The following FAAP100 variants were observed in gnomAD, a reference collection of about 807,000 sequenced individuals.
FAAP100 encodes Fanconi anemia core complex-associated protein 100.
A neutral mutation model predicts 65.8 loss-of-function variants in FAAP100; 46 were observed. The ratio of observed to expected loss-of-function variants is 0.70; its 90% CI spans 0.55 to 0.89. FAAP100 has a LOEUF of 0.89. Among genes scored for constraint, FAAP100 ranks in the 40% least tolerant of loss-of-function variants. FAAP100 has a pLI of 0.00. For missense variants in FAAP100, 1,165 were observed against 1,196.7 expected, an observed-to-expected ratio of 0.97 and a Z score of 0.39; for synonymous variants, 663 against 555.1, an observed-to-expected ratio of 1.19 and a Z score of -2.73.
intron 4 of FAAP100, 83 bp downstream of exon 4, chr17:81,549,123 C>T (rs2033407101): frequency 1.3e-6 from 2 of 1,508,858 alleles, no homozygotes; most frequent in South Asian, 1.2e-5. Context: ...AGGACACTCA[C>T]ACCCAGGACG....
At chr17:81,541,833 C>G (rs2033106249) in intron 7 of FAAP100, among the ~76,000 whole-genome samples, 1 of 152,086 alleles carries the variant, frequency 6.6e-6, no homozygotes, top group African/African-American at 2.4e-5. Context: ...GCAGCCCAGC[C>G]CAGTGTGGGC....
In FAAP100 at chr17:81,550,758, G is replaced by A; in HGVS notation, c.736C>T (p.Pro246Ser). 1 of 1,612,394 alleles carries A rather than the reference G, an allele frequency of 6.2e-7. No individual in the cohort carries two copies. The highest frequency in any genetic ancestry group is 8.5e-7 in the Non-Finnish European group (1 of 1,179,622). Residue 246 changes from proline (P) to serine (S), a missense_variant, in exon 3 of 9, where the codon CCT becomes TCT. Transcript: ENST00000327787. ...LQSPVVLCGL[P>S]DGQLCCVILK... ...ATCACACAGCAGAGCTGGCCATCAG[G>A]GAGACCACAGAGGACCACAGGTGAC... is the stretch of plus-strand genomic sequence containing the variant.
chr17:81,550,573 CACAT>C lies in FAAP100; in HGVS notation c.917_920del (p.Asp306GlyfsTer93), dbSNP rs1287382130. On this transcript the variant is annotated frameshift_variant, in exon 3 of 9. Coordinates refer to ENST00000327787, the MANE Select transcript of FAAP100 (RefSeq NM_025161.6). LOFTEE classifies it high-confidence loss of function. ...CAAAGGCCACCAGGCAGTCACAGTG[CACAT>C]CCTCGTCAGGCAGAAAATTCTCTGC... is the stretch of plus-strand genomic sequence containing the variant. 2.6e-5 allele frequency: 42 copies of C among 1,612,828 alleles called. No homozygotes were observed. The highest frequency in any genetic ancestry group is 3.5e-5 in the Non-Finnish European group (41 of 1,180,044).
At position 81,544,279 on chromosome 17, in the gene FAAP100, C is replaced by CA. The variant is rs111436216; in HGVS notation, c.2311-160dup. ...TCCTATACCCTGAAGGAGCAGAGCTCAGTACCCTGGTTTAGCTTTTTCCAC... is the reference window on the plus strand; with the variant it reads ...TCCTATACCCTGAAGGAGCAGAGCTCAAGTACCCTGGTTTAGCTTTTTCCAC... On this transcript the variant is annotated intron_variant, in intron 6 of 8. Transcript: ENST00000327787. Among the ~76,000 whole-genome samples, 119 of 152,348 alleles carry CA rather than the reference C, an allele frequency of 7.8e-4. 2 individuals are homozygous for CA. Among genetic ancestry groups the CA allele is most frequent in the African/African-American group, 2.8e-3 (117 of 41,580 alleles).
upstream of FAAP100, among the ~76,000 whole-genome samples, chr17:81,552,544 C>T (rs1008536634): frequency 6.6e-6 from 1 of 152,138 alleles, no homozygotes; most frequent in African/African-American, 2.4e-5. Flanking sequence ...CTAGGGGCCG[C>T]GGCACCGTGC....
intron 2 of FAAP100, 114 bp from the exon 3 acceptor site, chr17:81,551,317 A>T: frequency 2.8e-6 from 3 of 1,057,016 alleles, no homozygotes; most frequent in Non-Finnish European, 2.7e-6. Flanking sequence ...GTGACCCCCA[A>T]GGCCGCTCAG....
At chr17:81,552,130 G>T (rs765091237) in intron 1 of FAAP100, 36 bp downstream of exon 1, 21 of 1,479,056 alleles carry the variant, frequency 1.4e-5, no homozygotes, top group Non-Finnish European at 1.7e-5. Flanking sequence ...CGCCGCCCCC[G>T]CCCGGTCCCT....
intron 5 of FAAP100, 149 bp downstream of exon 5, chr17:81,546,760 G>A: frequency 1.2e-6 from 1 of 846,702 alleles, no homozygotes; most frequent in Non-Finnish European, 1.6e-6. Flanking sequence ...GGGAGGCCCA[G>A]AGGAGATCAA....
intron 4 of FAAP100, among the ~76,000 whole-genome samples, chr17:81,548,983 T>C (rs1340812046): frequency 7.8e-6 from 1 of 128,738 alleles, no homozygotes; most frequent in Non-Finnish European, 1.6e-5. Context: ...GAGCTTGCAG[T>C]GAGCCGAGAT....
upstream of FAAP100, among the ~76,000 whole-genome samples, chr17:81,552,851 G>A (rs2033550805): frequency 2.8e-5 from 1 of 35,886 alleles, no homozygotes; most frequent in Admixed American, 4.0e-4. Flanking sequence ...TGTGCTCTGC[G>A]AGCCGCCCCG....
Position 81,549,354 on chromosome 17 carries a change from T to C in FAAP100, c.1255A>G (p.Lys419Glu). The part of the protein sequence containing the change: ...ASPRTHEGGT[K>E]LLALSAKGRL... ...CCTTTGGCGGACAGGGCCAGGAGCT[T>C]GGTGCCACCTGGTGACAGACACACA... is the stretch of plus-strand genomic sequence containing the variant. Residue 419 changes from lysine (K) to glutamate (E), a missense_variant, in exon 4 of 9, where the codon AAG becomes GAG. Physicochemically the swap from Lys to Glu is moderately conservative, Grantham distance 56. Transcript: ENST00000327787. 6.2e-7 allele frequency: 1 copy of C among 1,605,890 alleles called. No homozygotes were observed. Among genetic ancestry groups the C allele is most frequent in the South Asian group, 1.1e-5 (1 of 90,952 alleles).
intron 6 of FAAP100, among the ~76,000 whole-genome samples, chr17:81,545,155 C>T (rs1016916533): frequency 5.3e-5 from 8 of 152,316 alleles, no homozygotes; most frequent in Non-Finnish European, 1.2e-4. Context: ...GGAGACAGAG[C>T]GAGACCTTGT....
intron 2 of FAAP100, 33 bp downstream of exon 2, chr17:81,551,895 T>A: frequency 6.6e-7 from 1 of 1,522,380 alleles, no homozygotes; most frequent in Non-Finnish European, 8.7e-7. Context: ...GCAGCAGGAG[T>A]GTGCGGGAGG....
rs74002424 is a variant in FAAP100, at chr17:81,551,290, G to C, written c.291-87C>G. 1.6e-3 allele frequency: 2,162 copies of C among 1,339,518 alleles called. 26 individuals carry two copies. The African/African-American group carries it at 0.029, about 18-fold the overall frequency. The allele number at this position is 1,339,518 out of a possible 1,614,324, so 83.0% of individuals were successfully genotyped here. A position where few individuals can be genotyped will look rare whatever the true frequency, so the allele number is the denominator to read the frequency against. ...CAATAACCTGGCATGGAGTAGTCTG[G>C]CTCAGGGGTTCCCGCAGTGACCCCC... On this transcript the variant is annotated intron_variant, in intron 2 of 8. Coordinates refer to ENST00000327787, the MANE Select transcript of FAAP100 (RefSeq NM_025161.6).
At position 81,540,912 on chromosome 17, in the gene FAAP100, G is replaced by T; in HGVS notation, c.2553C>A (p.Leu851=). 6.3e-7 allele frequency: 1 copy of T among 1,592,016 alleles called. No individual in the cohort carries two copies. The highest frequency in any genetic ancestry group is 2.3e-5 in the East Asian group (1 of 44,246). ...AGGAGCTGGCCTCATCCTCCGTGCA[G>T]AGCCGGTCGCGCAGGGTCTGCACCT... ...LREVQTLRDR[L]CTEDEASSCA... is the part of the protein sequence containing the mutation. The change falls in exon 9 of 9, where the codon CTC becomes CTA. Residue 851 remains leucine, a synonymous_variant. Coordinates refer to ENST00000327787, the MANE Select transcript of FAAP100 (RefSeq NM_025161.6).
In FAAP100 at chr17:81,547,327, G is replaced by A; in HGVS notation, c.1755C>T (p.Gly585=). The part of the protein sequence containing the change: ...GARREVTLPL[G]PGENGGLDLP... ...GGTCGAGCCCGCCGTTCTCACCAGG[G>A]CCCAGGGGTAGCGTCACCTCCCGCC... The change falls in exon 5 of 9, where the codon GGC becomes GGT. Residue 585 remains glycine, a synonymous_variant. Transcript: ENST00000327787. The A allele has an allele frequency of 6.2e-7, 1 of 1,612,626 alleles. No homozygotes were observed. The highest frequency in any genetic ancestry group is 8.5e-7 in the Non-Finnish European group (1 of 1,179,850).
At chr17:81,544,242 T>C (rs1366687117) in intron 6 of FAAP100, 122 bp from the exon 7 acceptor site, 3 of 736,744 alleles carry the variant, frequency 4.1e-6, no homozygotes, top group Non-Finnish European at 6.9e-6. Flanking sequence ...CCCAACCCCC[T>C]GCCCTGGGCT....
chr17:81,547,850 C>T (rs765889165), intron 4 of FAAP100, 172 bp from the exon 5 acceptor site: 15 of 849,998 alleles, frequency 1.8e-5, no homozygotes, highest in Non-Finnish European at 2.7e-5. Context: ...TCTCCCGGCC[C>T]CACCCACACC....
Position 81,550,930 on chromosome 17 carries a change from A to G in FAAP100, c.564T>C (p.Pro188=). ...GCACTGGAAGGAAGTGGGGGGCTGC[A>G]GGCTTTCCTGGGACCCCGGCTGGGG... The part of the protein sequence containing the change: ...YTPPAGVPGK[P]AAPHFLPVLC... Residue 188 remains proline (P), a synonymous_variant, in exon 3 of 9, where the codon CCT becomes CCC. Coordinates refer to ENST00000327787, the MANE Select transcript of FAAP100 (RefSeq NM_025161.6). The G allele has an allele frequency of 6.2e-7, 1 of 1,612,366 alleles. No homozygotes were observed.
Sources: gnomAD v4.1 joint callset for allele counts (sites outside exome capture counted in the v4.1 genomes callset) on GRCh38, gnomAD v4.1.1 for gene constraint, MANE v1.5 for transcripts, NCBI Gene and HGNC (gene_info 2026-07-23, HGNC 2026-07-21) for gene names.